Variants in PLEKHH2 observed in about 807,000 individuals in gnomAD.
PLEKHH2 encodes pleckstrin homology, MyTH4 and FERM domain containing H2.
In PLEKHH2, 129 loss-of-function variants were observed where a neutral mutation model predicts 187.9. The observed-to-expected ratio is 0.69, with a 90% CI of 0.59 to 0.79. The LOEUF (loss-of-function observed/expected upper bound fraction) is 0.79, where lower values mean the gene tolerates loss of function less well. Among genes scored for constraint, PLEKHH2 ranks in the 30% least tolerant of loss-of-function variants. PLEKHH2 has a pLI of 0.00. For missense variants in PLEKHH2, 2,076 were observed against 1,751.2 expected (o/e 1.19, Z -3.31); for synonymous variants, 686 against 605.6 (o/e 1.13, Z -1.95).
At chr2:43,720,848 A>C (rs1670446397) in intron 16 of PLEKHH2, 99 bp downstream of exon 16, 2 of 1,475,694 alleles carry the variant, frequency 1.4e-6, no homozygotes, top group Admixed American at 5.0e-5. Context: ...AAAACTTCAG[A>C]ATCTTTATGA....
intron 3 of PLEKHH2, among the ~76,000 whole-genome samples, chr2:43,691,223 G>A (rs180726900): frequency 8.5e-4 from 129 of 152,264 alleles, no homozygotes; most frequent in African/African-American, 3.0e-3. Context: ...GTAGTTGCAC[G>A]GACACTCAAA....
chr2:43,764,476 C>T (rs746699306), intron 29 of PLEKHH2, 111 bp downstream of exon 29: 44 of 1,122,960 alleles, frequency 3.9e-5, no homozygotes, highest in African/African-American at 4.9e-5. Context: ...ATTTATTCAG[C>T]AAAGACTGCA....
chr2:43,645,448 A>G (rs1344673883), intron 2 of PLEKHH2, among the ~76,000 whole-genome samples: 3 of 152,160 alleles, frequency 2.0e-5, no homozygotes, highest in Non-Finnish European at 4.4e-5. Flanking sequence ...GACAACCCAT[A>G]TTCCTATTTC....
intron 2 of PLEKHH2, among the ~76,000 whole-genome samples, chr2:43,674,236 A>G (rs1667619377): frequency 6.6e-6 from 1 of 152,096 alleles, no homozygotes; most frequent in Non-Finnish European, 1.5e-5. Context: ...TAAGAGAACT[A>G]TTTTTTTCAC....
intron 3 of PLEKHH2, among the ~76,000 whole-genome samples, chr2:43,688,625 G>A (rs576175794): frequency 1.3e-4 from 20 of 152,272 alleles, no homozygotes; most frequent in Admixed American, 8.5e-4. Context: ...CAGTACTCTT[G>A]GGTTCAGTGA....
At chr2:43,761,522 T>C (rs992446888) in intron 27 of PLEKHH2, among the ~76,000 whole-genome samples, 2 of 151,584 alleles carry the variant, frequency 1.3e-5, no homozygotes, top group African/African-American at 4.9e-5. Context: ...GCTGTTCTCC[T>C]GTCTCAGCCT....
intron 6 of PLEKHH2, 60 bp downstream of exon 6, chr2:43,695,284 T>G (rs1669032329): frequency 2.3e-6 from 2 of 886,590 alleles, no homozygotes. Context: ...GGCTTTTACT[T>G]TTTTTGATGT....
At chr2:43,652,977 G>T (rs980081430) in intron 2 of PLEKHH2, among the ~76,000 whole-genome samples, 4 of 152,152 alleles carry the variant, frequency 2.6e-5, no homozygotes, top group Middle Eastern at 3.4e-3. Context: ...CTAAGAGCAG[G>T]GTTGAAATAT....
In PLEKHH2 at chr2:43,720,691, G is replaced by A. The variant is rs781089949; in HGVS notation, c.2483G>A (p.Arg828Lys). 6.2e-7 allele frequency: 1 copy of A among 1,610,140 alleles called. No individual in the cohort carries two copies. The highest frequency in any genetic ancestry group is 1.1e-5 in the South Asian group (1 of 90,012). The part of the protein sequence containing the change: ...LTKVKHGYSK[R>K]VWCTLIGKTL... ...CAGGTAAAACATGGATATTCCAAGA[G>A]AGTCTGGTGTACACTAATAGGAAAG... Residue 828 changes from arginine (R) to lysine (K), a missense_variant, in exon 16 of 30, where the codon AGA becomes AAA. Coordinates refer to ENST00000282406, the MANE Select transcript of PLEKHH2 (RefSeq NM_172069.4).
At chr2:43,721,951 C>A (rs1282981557) in intron 16 of PLEKHH2, among the ~76,000 whole-genome samples, 1 of 151,922 alleles carries the variant, frequency 6.6e-6, no homozygotes, top group Non-Finnish European at 1.5e-5. Context: ...ACAAATGCTA[C>A]CCGAATATGT....
chr2:43,710,637 T>C (rs1669917811), intron 14 of PLEKHH2, 62 bp downstream of exon 14: 1 of 1,480,450 alleles, frequency 6.8e-7, no homozygotes, highest in Non-Finnish European at 9.1e-7. Flanking sequence ...TTCTCAATTA[T>C]CCAACCTAAT....
chr2:43,656,981 T>G (rs1301655814), intron 2 of PLEKHH2, among the ~76,000 whole-genome samples: 1 of 152,180 alleles, frequency 6.6e-6, no homozygotes, highest in Non-Finnish European at 1.5e-5. Flanking sequence ...ATCGCGCCAT[T>G]GCACTCTAGC....
intron 20 of PLEKHH2, among the ~76,000 whole-genome samples, chr2:43,739,483 G>A (rs186617502): frequency 5.6e-4 from 86 of 152,256 alleles, no homozygotes; most frequent in African/African-American, 1.7e-3. Context: ...TAGGACTGTC[G>A]GGGTTGGATC....
chr2:43,754,869 CTTTTT>C (rs3066318), intron 25 of PLEKHH2, among the ~76,000 whole-genome samples: 1 of 108,778 alleles, frequency 9.2e-6, no homozygotes, highest in African/African-American at 3.8e-5. Flanking sequence ...TTAAAATCAA[CTTTTT>C]TTTTTTTTTT....
chr2:43,723,839 G>T (rs939939041), intron 16 of PLEKHH2, among the ~76,000 whole-genome samples: 5 of 152,112 alleles, frequency 3.3e-5, no homozygotes, highest in African/African-American at 1.2e-4. Flanking sequence ...ACAGGCACAC[G>T]CCGACTGCTG....
chr2:43,720,280 C>CTT (rs58739376), intron 15 of PLEKHH2, among the ~76,000 whole-genome samples: 2 of 147,704 alleles, frequency 1.4e-5, no homozygotes, highest in Non-Finnish European at 1.5e-5. Context: ...ACAGGTAAAT[C>CTT]TTTTTTTTTT....
At chr2:43,675,958 GTCCTCATCTGT>G (rs1667746410) in intron 2 of PLEKHH2, 2 of 1,613,836 alleles carry the variant, frequency 1.2e-6, no homozygotes, top group African/African-American at 2.7e-5. Flanking sequence ...TTTGTAAGCG[GTCCTCATCTGT>G]ACCCACCTGT....
chr2:43,671,952 C>T (rs2104403752), intron 2 of PLEKHH2, among the ~76,000 whole-genome samples: 1 of 152,286 alleles, frequency 6.6e-6, no homozygotes, highest in South Asian at 2.1e-4. Flanking sequence ...AGGAAGCATT[C>T]CCTTCTCTTA....
At chr2:43,746,379 C>T (rs974604315) in intron 24 of PLEKHH2, among the ~76,000 whole-genome samples, 2 of 152,128 alleles carry the variant, frequency 1.3e-5, no homozygotes, top group African/African-American at 4.8e-5. Context: ...GGCATGGTGG[C>T]ATGTGCCTGT....
Sources: gnomAD v4.1 joint callset for allele counts (sites outside exome capture counted in the v4.1 genomes callset) on GRCh38, gnomAD v4.1.1 for gene constraint, MANE v1.5 for transcripts, NCBI Gene and HGNC (gene_info 2026-07-23, HGNC 2026-07-21) for gene names.